The following FAT1 variants were observed in gnomAD, a reference collection of about 807,000 sequenced individuals.
FAT1 encodes the protein FAT atypical cadherin 1.
Under a neutral mutation model 329.8 loss-of-function variants are expected in FAT1, and 171 were observed. That is an observed-to-expected ratio of 0.52 (90% CI 0.46 to 0.59). The LOEUF (loss-of-function observed/expected upper bound fraction) is 0.59, where lower values mean the gene tolerates loss of function less well. Among genes scored for constraint, FAT1 ranks in the 20% least tolerant of loss-of-function variants. The pLI is 0.00. For missense variants in FAT1, 5,672 were observed against 5,774.4 expected (o/e 0.98, Z 0.57); for synonymous variants, 2,233 against 2,228.6 (o/e 1.00, Z -0.06).
rs1226892276 is a variant in FAT1, at chr4:186,633,771, A to T, written c.4236T>A (p.Ile1412=). 9.9e-6 allele frequency: 16 copies of T among 1,613,866 alleles called. No individual in the cohort carries two copies. The highest frequency in any genetic ancestry group is 1.3e-5 in the Non-Finnish European group (15 of 1,179,898). Residue 1412 remains isoleucine (I), a synonymous_variant, in exon 7 of 27, where the codon ATT becomes ATA. Coordinates refer to ENST00000441802, the MANE Select transcript of FAT1 (RefSeq NM_005245.4). The part of the protein sequence containing the change: ...FDVDKGTGTI[I]VAKPLDAEQK... The stretch of plus-strand genomic sequence containing the variant: ...GTTCTGCATCAAGAGGTTTGGCAAC[A>T]ATGATGGTTCCAGTTCCCTTGTCCA...
Position 186,708,835 on chromosome 4 carries a change from G to A in FAT1, c.993C>T (p.Gly331=), listed in dbSNP as rs2126699436. Residue 331 remains glycine (G), a synonymous_variant, in exon 2 of 27, where the codon GGC becomes GGT. Transcript: ENST00000441802. ...CTTTAGCCTGTAGTGTGAGATTGTA[G>A]CCGAAAGGATGACTGTCCCAATCAA... ...GGIDWDSHPF[G]YNLTLQAKDK... is the part of the protein sequence containing the mutation. 1 of 1,613,954 alleles carries A rather than the reference G, an allele frequency of 6.2e-7. No homozygotes were observed. The highest frequency in any genetic ancestry group is 1.3e-5 in the African/African-American group (1 of 75,034).
At chr4:186,689,987 A>C (rs1190381378) in intron 2 of FAT1, among the ~76,000 whole-genome samples, 1 of 151,930 alleles carries the variant, frequency 6.6e-6, no homozygotes, top group Non-Finnish European at 1.5e-5. Context: ...CTTTCCTATC[A>C]TTTTTTCTCA....
chr4:186,612,973 TC>T, intron 13 of FAT1, 135 bp downstream of exon 13: 1 of 599,092 alleles, frequency 1.7e-6, no homozygotes, highest in South Asian at 2.1e-5. Context: ...TCTAAAGATT[TC>T]CTTCCACAAG....
Position 186,643,675 on chromosome 4 carries a change from C to T in FAT1, c.3581-3892G>A, listed in dbSNP as rs77206512. Among the ~76,000 whole-genome samples the T allele has an allele frequency of 4.9e-3, 744 of 152,222 alleles. 5 individuals are homozygous for T. Among genetic ancestry groups the T allele is most frequent in the African/African-American group, 0.017 (711 of 41,504 alleles). ...AATCAACCACACTGAGTGCCTAACA[C>T]CCCGGGGAACGCTACCCGAACCCCC... On this transcript the variant is annotated intron_variant, in intron 3 of 26. Transcript: ENST00000441802.
intron 3 of FAT1, among the ~76,000 whole-genome samples, chr4:186,658,952 T>A (rs1742039456): frequency 1.3e-5 from 2 of 152,154 alleles, no homozygotes; most frequent in South Asian, 4.1e-4. Flanking sequence ...GGTAAAAAAA[T>A]TTCATAGTTC....
intron 2 of FAT1, among the ~76,000 whole-genome samples, chr4:186,693,014 A>C (rs765930705): frequency 6.6e-6 from 1 of 152,202 alleles, no homozygotes; most frequent in Non-Finnish European, 1.5e-5. Flanking sequence ...AAGACGATGG[A>C]GGAGCATTGC....
intron 2 of FAT1, among the ~76,000 whole-genome samples, chr4:186,684,579 TTAAA>T (rs763862188): frequency 3.0e-4 from 45 of 152,124 alleles, no homozygotes; most frequent in Non-Finnish European, 4.9e-4. Flanking sequence ...TTAGGACACT[TTAAA>T]TAATTACCAT....
chr4:186,628,207 G>A lies in FAT1; in HGVS notation c.4757C>T (p.Ala1586Val), dbSNP rs2126541899. Residue 1586 changes from alanine (A) to valine (V), a missense_variant, in exon 9 of 27, where the codon GCT (alanine) becomes GTT (valine). By Grantham distance (64) the Ala-to-Val change is moderately conservative (BLOSUM62 0). Around this residue, in one of 2 missense-constraint regions of FAT1, gnomAD observed 3,966 missense variants for 3,915.2 expected, o/e 1.01. Coordinates refer to ENST00000441802, the MANE Select transcript of FAT1 (RefSeq NM_005245.4). ...ATTTTTCCCTTTGTCCTTGTCCAGAGCCGTCACCTGCAACACAACTGAGCC... is the reference window on the plus strand; with the variant it reads ...ATTTTTCCCTTTGTCCTTGTCCAGAACCGTCACCTGCAACACAACTGAGCC... ...AVGSVVLQVT[A>V]LDKDKGKNAE... 1 of 1,613,944 alleles carries A rather than the reference G, an allele frequency of 6.2e-7. No individual in the cohort carries two copies. Among genetic ancestry groups the A allele is most frequent in the Non-Finnish European group, 8.5e-7 (1 of 1,179,878 alleles).
chr4:186,611,298 G>A (rs925341318), intron 14 of FAT1, 88 bp downstream of exon 14: 1 of 1,202,166 alleles, frequency 8.3e-7, no homozygotes, highest in African/African-American at 1.5e-5. Context: ...TGACAACACA[G>A]GGTCACTTAA....
rs2126685954 is a variant in FAT1 at position 186,707,138 on chromosome 4, G to A, written c.2690C>T (p.Ala897Val). Residue 897 changes from alanine (A) to valine (V), a missense_variant, in exon 2 of 27, where the codon GCC (alanine) becomes GTC (valine). By Grantham distance (64) the Ala-to-Val change is moderately conservative. This residue lies in a region of FAT1 where 3,966 missense variants were observed against 3,915.2 expected (regional missense o/e 1.01). Transcript: ENST00000441802. ...LQHEHSLKIE[A>V]RDQAREEPQL... Reference sequence around the variant, plus strand: ...AGGCTCTTCTCTGGCTTGGTCCCTGGCCTCAATCTTTAAGGAGTGCTCATG... The same window carrying A: ...AGGCTCTTCTCTGGCTTGGTCCCTGACCTCAATCTTTAAGGAGTGCTCATG... The A allele has an allele frequency of 6.2e-7, 1 of 1,613,880 alleles. No homozygotes were observed. Among genetic ancestry groups the A allele is most frequent in the Non-Finnish European group, 8.5e-7 (1 of 1,179,874 alleles).
chr4:186,715,260 C>G (rs1003064672), intron 1 of FAT1, among the ~76,000 whole-genome samples: 1 of 151,700 alleles, frequency 6.6e-6, no homozygotes, highest in Non-Finnish European at 1.5e-5. Context: ...GCCCCCACCA[C>G]CACCCACTCA....
intron 3 of FAT1, among the ~76,000 whole-genome samples, chr4:186,645,935 G>A: frequency 9.2e-6 from 1 of 109,054 alleles, no homozygotes. Flanking sequence ...TACAGAGTGA[G>A]ACTGTCTCAC....
chr4:186,618,101 T>G lies in FAT1; in HGVS notation c.8485A>C (p.Ile2829Leu), dbSNP rs758234912. 1.6e-5 allele frequency: 26 copies of G among 1,614,042 alleles called. 2 individuals carry two copies. The South Asian group carries it at 2.9e-4, about 18-fold the overall frequency. Residue 2829 changes from isoleucine to leucine, a missense_variant, in exon 10 of 27, where the codon ATT becomes CTT. By Grantham distance (5) the Ile-to-Leu change is conservative. Coordinates refer to ENST00000441802, the MANE Select transcript of FAT1 (RefSeq NM_005245.4). The part of the protein sequence containing the change: ...VENLPGGSRV[I>L]QIRASDADSG... ...TCAGCATCAGATGCCCTGATCTGAA[T>G]TACTCTACTTCCCCCTGGCAGGTTT...
rs2126681868 is a variant in FAT1 at position 186,706,589 on chromosome 4, C to T, written c.3239G>A (p.Gly1080Asp). The change falls in exon 2 of 27, where the codon GGT becomes GAT. Residue 1080 changes from glycine to aspartate, a missense_variant. Around this residue, in one of 2 missense-constraint regions of FAT1, gnomAD observed 3,966 missense variants for 3,915.2 expected, o/e 1.01. Transcript: ENST00000441802. ...RYSIRDGSGV[G>D]VFKIGEETGV... The stretch of plus-strand genomic sequence containing the variant: ...TGTCTCTTCACCTATTTTGAAAACA[C>T]CAACGCCAGAGCCATCTCTAATGGA... 1.2e-6 allele frequency: 2 copies of T among 1,610,662 alleles called. No individual in the cohort carries two copies. The highest frequency in any genetic ancestry group is 1.7e-6 in the Non-Finnish European group (2 of 1,177,332).
At chr4:186,724,961 A>G (rs1745669046), upstream of FAT1, among the ~76,000 whole-genome samples, 1 of 152,208 alleles carries the variant, frequency 6.6e-6, no homozygotes, top group African/African-American at 2.4e-5. This position sits in a 1 kb window ranked among gnomAD's most constrained non-coding sequence, Gnocchi z 5.3. Flanking sequence ...CAGTCACCTT[A>G]TAAGCCATCT....
At chr4:186,605,663 G>A (rs1739095182) in intron 17 of FAT1, among the ~76,000 whole-genome samples, 1 of 150,908 alleles carries the variant, frequency 6.6e-6, no homozygotes, top group Non-Finnish European at 1.5e-5. Flanking sequence ...GAGGTGGAGG[G>A]AGGAGGAGTA....
In FAT1 at chr4:186,696,762, G is replaced by A. The variant is rs184885707; in HGVS notation, c.3265+9801C>T. Among the ~76,000 whole-genome samples the A allele has an allele frequency of 5.9e-5, 9 of 152,264 alleles. No homozygotes were observed. In the East Asian group the frequency reaches 1.4e-3, roughly 23 times the overall value. On this transcript the variant is annotated intron_variant, in intron 2 of 26. Transcript: ENST00000441802. ...TTCTGGACTGGGCACAGTGGCTCAC[G>A]CCTGTAATTCCAACACTTTGGGAAG...
At chr4:186,683,285 G>T (rs887610287) in intron 2 of FAT1, among the ~76,000 whole-genome samples, 4 of 151,948 alleles carry the variant, frequency 2.6e-5, no homozygotes, top group Non-Finnish European at 5.9e-5. Flanking sequence ...CCTCATCTCT[G>T]TGTTGACTCG....
In FAT1 at chr4:186,709,076, T is replaced by C. The variant is rs2126701331; in HGVS notation, c.752A>G (p.Asn251Ser). The change falls in exon 2 of 27, where the codon AAT becomes AGT. Residue 251 changes from asparagine to serine, a missense_variant. Asn to Ser is a conservative substitution (Grantham distance 46). Around this residue, in one of 2 missense-constraint regions of FAT1, gnomAD observed 3,966 missense variants for 3,915.2 expected, o/e 1.01. Coordinates refer to ENST00000441802, the MANE Select transcript of FAT1 (RefSeq NM_005245.4). Reference protein sequence around the residue: ...AKLTVHIEQANECAPVITAVT... With the variant: ...AKLTVHIEQASECAPVITAVT... ...TGCTGTTATCACCGGAGCACATTCA[T>C]TGGCCTGTTCGATGTGCACCGTTAG... 3 of 1,613,944 alleles carry C rather than the reference T, an allele frequency of 1.9e-6. No homozygotes were observed. Among genetic ancestry groups the C allele is most frequent in the South Asian group, 1.1e-5 (1 of 91,082 alleles).
Sources: allele counts gnomAD v4.1 joint callset (sites outside exome capture counted in the v4.1 genomes callset), GRCh38; gene constraint gnomAD v4.1.1; regional missense constraint gnomAD v4.1.1; non-coding constraint Gnocchi (gnomAD v3.1); transcripts MANE v1.5; gene names NCBI Gene and HGNC (gene_info 2026-07-23, HGNC 2026-07-21).